Variants in SDK1 observed in about 807,000 individuals in gnomAD.
SDK1 encodes the protein sidekick cell adhesion molecule 1, also known as protein sidekick-1.
A neutral mutation model predicts 245.5 loss-of-function variants in SDK1; 157 were observed. That is an observed-to-expected ratio of 0.64 (90% CI 0.56 to 0.73). The LOEUF (loss-of-function observed/expected upper bound fraction) is 0.73, where lower values mean the gene tolerates loss of function less well. SDK1 is among the 30% of genes least tolerant of loss of function. The pLI is 0.00. For synonymous variants in SDK1, 1,647 were observed against 1,278.5 expected, an observed-to-expected ratio of 1.29 and a Z score of -6.15; for missense variants, 3,583 against 3,002.3, an observed-to-expected ratio of 1.19 and a Z score of -4.52.
At chr7:4,139,661 ATATG>A (rs1295523366) in intron 28 of SDK1, among the ~76,000 whole-genome samples, 2 of 68,362 alleles carry the variant, frequency 2.9e-5, no homozygotes, top group African/African-American at 1.3e-4. Flanking sequence ...GTGTGTGTGT[ATATG>A]TGTGTGTGTA....
chr7:3,485,935 ACT>A (rs1206516421), intron 1 of SDK1, among the ~76,000 whole-genome samples: 1 of 149,358 alleles, frequency 6.7e-6, no homozygotes, highest in Non-Finnish European at 1.5e-5. Flanking sequence ...GATTTGAAAA[ACT>A]CTTCATTAAA....
At chr7:3,586,598 G>A (rs1013729172) in intron 1 of SDK1, among the ~76,000 whole-genome samples, 27 of 151,342 alleles carry the variant, frequency 1.8e-4, no homozygotes, top group South Asian at 8.4e-4. Context: ...CTAGCTACTC[G>A]GGAGGCTGAG....
chr7:3,413,907 A>G (rs186741359), intron 1 of SDK1, among the ~76,000 whole-genome samples: 3 of 152,096 alleles, frequency 2.0e-5, no homozygotes, highest in African/African-American at 7.2e-5. Context: ...CAGGAGTTCA[A>G]AGTTGCAGTG....
chr7:3,818,503 C>A (rs1234611846), intron 4 of SDK1, among the ~76,000 whole-genome samples: 3 of 152,166 alleles, frequency 2.0e-5, no homozygotes, highest in Non-Finnish European at 4.4e-5. Context: ...CACTGTTAAC[C>A]TTTTATGTGT....
At chr7:4,174,186 C>G in intron 32 of SDK1, 36 bp from the exon 33 acceptor site, 3 of 1,611,932 alleles carry the variant, frequency 1.9e-6, no homozygotes, top group Non-Finnish European at 2.5e-6. Context: ...GGGTTGACTC[C>G]CATGGTGTGG....
intron 4 of SDK1, among the ~76,000 whole-genome samples, chr7:3,815,664 G>A (rs1420731747): frequency 6.6e-6 from 1 of 151,478 alleles, no homozygotes; most frequent in Non-Finnish European, 1.5e-5. Flanking sequence ...TTTTTCTATT[G>A]ATTGGAATAG....
chr7:3,341,089 A>G (rs1780337015), intron 1 of SDK1, among the ~76,000 whole-genome samples: 1 of 152,172 alleles, frequency 6.6e-6, no homozygotes. Flanking sequence ...ACAGTTCAGT[A>G]TCGCTCATGA....
intron 1 of SDK1, among the ~76,000 whole-genome samples, chr7:3,615,465 C>G (rs903578703): frequency 9.9e-5 from 15 of 151,744 alleles, no homozygotes; most frequent in African/African-American, 3.4e-4. Context: ...CTCGACAACT[C>G]CTGACTTTGA....
chr7:3,829,244 GT>G (rs1388759113), intron 5 of SDK1, among the ~76,000 whole-genome samples: 1 of 152,122 alleles, frequency 6.6e-6, no homozygotes, highest in Non-Finnish European at 1.5e-5. Context: ...AAGATACACA[GT>G]TTTACAAAAT....
At chr7:3,418,910 T>C (rs757602147) in intron 1 of SDK1, among the ~76,000 whole-genome samples, 3 of 152,162 alleles carry the variant, frequency 2.0e-5, no homozygotes, top group Non-Finnish European at 4.4e-5. Flanking sequence ...AGAACTCGTA[T>C]ATGTAAAAAG....
At chr7:3,631,909 A>G (rs2128648362) in intron 2 of SDK1, among the ~76,000 whole-genome samples, 1 of 152,294 alleles carries the variant, frequency 6.6e-6, no homozygotes, top group African/African-American at 2.4e-5. Flanking sequence ...TAATTTGCTT[A>G]TGCTTATAAT....
At position 3,488,016 on chromosome 7, in the gene SDK1, C is replaced by G. The variant is rs1781754997; in HGVS notation, c.299-131064C>G. Among the ~76,000 whole-genome samples, 3 of 152,132 alleles carry G rather than the reference C, an allele frequency of 2.0e-5. No homozygotes were observed. In the South Asian group the frequency reaches 6.2e-4, roughly 32 times the overall value. On this transcript the variant is annotated intron_variant, in intron 1 of 44. Coordinates refer to ENST00000404826, the MANE Select transcript of SDK1 (RefSeq NM_152744.4). ...CTCCTACTTTTGCAATTTGTATTTT[C>G]TGTAATTCTTATTAGACTAGAGGCT...
chr7:4,004,214 CAG>C (rs1395854217), intron 14 of SDK1, among the ~76,000 whole-genome samples: 5 of 152,318 alleles, frequency 3.3e-5, no homozygotes, highest in East Asian at 1.9e-4. Context: ...GAGGACCAAA[CAG>C]GGAATAAAAT....
At chr7:3,786,991 T>A (rs1780920730) in intron 4 of SDK1, among the ~76,000 whole-genome samples, 1 of 152,140 alleles carries the variant, frequency 6.6e-6, no homozygotes. Flanking sequence ...TCTCTTACTC[T>A]GACAAGCAGA....
chr7:3,757,303 GTCTC>G (rs1317577638), intron 4 of SDK1, among the ~76,000 whole-genome samples: 8 of 152,026 alleles, frequency 5.3e-5, no homozygotes. Context: ...TTGAGACAAG[GTCTC>G]TCTCTGTCAC....
At chr7:4,209,184 G>A (rs1409737711) in intron 37 of SDK1, among the ~76,000 whole-genome samples, 1 of 152,224 alleles carries the variant, frequency 6.6e-6, no homozygotes, top group Non-Finnish European at 1.5e-5. Flanking sequence ...CTGGAAGGAT[G>A]TGGGCAGATC....
intron 8 of SDK1, among the ~76,000 whole-genome samples, chr7:3,960,554 A>G (rs909295232): frequency 1.5e-4 from 23 of 152,126 alleles, no homozygotes; most frequent in African/African-American, 3.6e-4. Context: ...TCCTGGTGGT[A>G]GAGGGAAAGA....
intron 20 of SDK1, among the ~76,000 whole-genome samples, chr7:4,075,666 T>A (rs1460062293): frequency 1.3e-5 from 2 of 151,894 alleles, no homozygotes; most frequent in Admixed American, 1.3e-4. Flanking sequence ...CTTTTTTTTT[T>A]TTTTTTAAGA....
chr7:4,040,339 T>C (rs969830454), intron 17 of SDK1, among the ~76,000 whole-genome samples: 1 of 152,198 alleles, frequency 6.6e-6, no homozygotes, highest in African/African-American at 2.4e-5. Context: ...GCTCAGAGTC[T>C]GTAGTCTTCA....
Sources: gnomAD v4.1 joint callset for allele counts (sites outside exome capture counted in the v4.1 genomes callset) on GRCh38, gnomAD v4.1.1 for gene constraint, MANE v1.5 for transcripts, NCBI Gene and HGNC (gene_info 2026-07-23, HGNC 2026-07-21) for gene names.